Variants in MICU1 observed in about 807,000 individuals in gnomAD.
The protein encoded by MICU1 is calcium uptake protein 1, mitochondrial.
In MICU1, 45 loss-of-function variants were observed where a neutral mutation model predicts 56.8. The ratio of observed to expected loss-of-function variants is 0.79; its 90% CI spans 0.62 to 1.02. MICU1 has a LOEUF of 1.02. Ranked by LOEUF, MICU1 falls within the 50% of genes least tolerant of loss-of-function variation. MICU1 has a pLI of 0.00. For synonymous variants in MICU1, 186 were observed against 195.1 expected (o/e 0.95, Z 0.39); for missense variants, 504 against 587.1 (o/e 0.86, Z 1.46).
chr10:72,548,452 A>T (rs1839949830), intron 4 of MICU1, among the ~76,000 whole-genome samples: 1 of 152,220 alleles, frequency 6.6e-6, no homozygotes, highest in African/African-American at 2.4e-5. Context: ...ATATTTAAAA[A>T]GTATTATTGT....
chr10:72,529,946 CTTTTTTTTTTTT>C (rs11338457), intron 5 of MICU1, among the ~76,000 whole-genome samples: 3 of 100,800 alleles, frequency 3.0e-5, no homozygotes, highest in African/African-American at 1.1e-4. Flanking sequence ...GGGGAAGGTG[CTTTTTTTTTTTT>C]TTTTTTTTTT....
chr10:72,594,041 G>A (rs994940040), intron 1 of MICU1, among the ~76,000 whole-genome samples: 1 of 152,220 alleles, frequency 6.6e-6, no homozygotes, highest in African/African-American at 2.4e-5. Context: ...AGAATCTCAA[G>A]AGACTGAATA....
intron 11 of MICU1, among the ~76,000 whole-genome samples, chr10:72,372,827 A>G (rs1489500349): frequency 2.0e-5 from 3 of 151,032 alleles, no homozygotes; most frequent in Non-Finnish European, 4.4e-5. Context: ...GGGCAACAAG[A>G]GCTTGACCCC....
At chr10:72,587,822 A>C (rs1841106207) in intron 1 of MICU1, among the ~76,000 whole-genome samples, 1 of 151,954 alleles carries the variant, frequency 6.6e-6, no homozygotes, top group Non-Finnish European at 1.5e-5. Flanking sequence ...TAAATAAATA[A>C]AATTTTAATT....
intron 10 of MICU1, among the ~76,000 whole-genome samples, chr10:72,399,897 G>T (rs1863396237): frequency 6.6e-6 from 1 of 152,184 alleles, no homozygotes. Flanking sequence ...GGCTGAGGTT[G>T]CAGTGAGCTG....
At chr10:72,389,594 C>T (rs779082083) in intron 10 of MICU1, among the ~76,000 whole-genome samples, 6 of 152,018 alleles carry the variant, frequency 3.9e-5, no homozygotes, top group South Asian at 2.1e-4. Context: ...TGTGCAGGGG[C>T]GTGAATAGTA....
intron 10 of MICU1, among the ~76,000 whole-genome samples, chr10:72,397,425 CAT>C (rs1863305943): frequency 6.6e-6 from 1 of 152,160 alleles, no homozygotes; most frequent in South Asian, 2.1e-4. Flanking sequence ...CAAATTCACA[CAT>C]AGCAATATTA....
intron 5 of MICU1, among the ~76,000 whole-genome samples, chr10:72,510,691 T>A (rs1867416258): frequency 6.6e-6 from 1 of 151,176 alleles, no homozygotes; most frequent in Non-Finnish European, 1.5e-5. Context: ...TCACCCAGGC[T>A]GGAATGCAGT....
chr10:72,393,237 A>G (rs1441095071), intron 10 of MICU1, among the ~76,000 whole-genome samples: 1 of 152,238 alleles, frequency 6.6e-6, no homozygotes, highest in Non-Finnish European at 1.5e-5. Context: ...ACAGATAAGC[A>G]TTCTAGTAAG....
chr10:72,524,478 T>G (rs1239072128), intron 5 of MICU1, among the ~76,000 whole-genome samples: 1 of 152,226 alleles, frequency 6.6e-6, no homozygotes, highest in Non-Finnish European at 1.5e-5. Flanking sequence ...CAACAAAATT[T>G]CTTAACCTTT....
At chr10:72,453,586 G>A (rs1258454916) in intron 8 of MICU1, among the ~76,000 whole-genome samples, 1 of 152,072 alleles carries the variant, frequency 6.6e-6, no homozygotes, top group Non-Finnish European at 1.5e-5. Flanking sequence ...CTGGAGTGCA[G>A]TGGCATATTC....
At chr10:72,371,066 T>C (rs1251039645) in intron 11 of MICU1, among the ~76,000 whole-genome samples, 2 of 150,840 alleles carry the variant, frequency 1.3e-5, no homozygotes, top group Non-Finnish European at 2.9e-5. Context: ...ATATATTATA[T>C]TGCAATATAA....
chr10:72,584,875 T>TA (rs909402057), intron 1 of MICU1, among the ~76,000 whole-genome samples: 32 of 152,014 alleles, frequency 2.1e-4, no homozygotes, highest in African/African-American at 1.2e-4. Flanking sequence ...TAAGAGCCAT[T>TA]AAAAAACTAC....
intron 9 of MICU1, among the ~76,000 whole-genome samples, chr10:72,417,453 C>CAA (rs869171199): frequency 5.3e-4 from 35 of 66,400 alleles, no homozygotes; most frequent in African/African-American, 2.0e-3. Flanking sequence ...GACTCCGTCT[C>CAA]AAAAAAAAAA....
chr10:72,587,231 G>C (rs1841086104), intron 1 of MICU1, among the ~76,000 whole-genome samples: 1 of 152,056 alleles, frequency 6.6e-6, no homozygotes, highest in Admixed American at 6.6e-5. Flanking sequence ...CCAGTGCCTT[G>C]GGAGACTGAG....
Position 72,566,746 on chromosome 10 carries a change from A to T in MICU1, c.48T>A (p.Gly16=). The T allele has an allele frequency of 6.2e-7, 1 of 1,612,776 alleles. No homozygotes were observed. The highest frequency in any genetic ancestry group is 1.1e-5 in the South Asian group (1 of 90,764). The change falls in exon 2 of 12, where the codon GGT becomes GGA. Residue 16 remains glycine, a synonymous_variant. Transcript: ENST00000361114. The part of the protein sequence containing the change: ...SLSALAELAV[G]SRWYHGGSQP... ...GTGATCCTCCATGGTACCATCGAGA[A>T]CCCACAGCCAGTTCTGCCAAAGCAG...
chr10:72,378,210 G>A (rs1427861982), intron 10 of MICU1, among the ~76,000 whole-genome samples: 2 of 152,164 alleles, frequency 1.3e-5, no homozygotes, highest in Non-Finnish European at 2.9e-5. Flanking sequence ...CCAAGACTGT[G>A]CCACTGCACT....
intron 9 of MICU1, among the ~76,000 whole-genome samples, chr10:72,422,604 G>A (rs994187854): frequency 2.0e-5 from 3 of 152,094 alleles, no homozygotes; most frequent in African/African-American, 7.2e-5. Flanking sequence ...ACCAATGGAT[G>A]TTACCACCTT....
intron 4 of MICU1, among the ~76,000 whole-genome samples, chr10:72,547,191 C>G (rs1035360405): frequency 6.6e-6 from 1 of 152,004 alleles, no homozygotes; most frequent in African/African-American, 2.4e-5. Flanking sequence ...CCACGCCCGG[C>G]CTCTGCTAAT....
Sources: allele counts gnomAD v4.1 joint callset (sites outside exome capture counted in the v4.1 genomes callset), GRCh38; gene constraint gnomAD v4.1.1; transcripts MANE v1.5; gene names NCBI Gene and HGNC (gene_info 2026-07-23, HGNC 2026-07-21).